The following ADGRB3 variants were observed in gnomAD, a reference collection of about 807,000 sequenced individuals.
The protein encoded by ADGRB3 is adhesion G protein-coupled receptor B3.
ADGRB3 carries 37 observed loss-of-function variants against 193.4 expected under a neutral mutation model. The ratio of observed to expected loss-of-function variants is 0.19; its 90% confidence interval spans 0.15 to 0.25. The LOEUF (loss-of-function observed/expected upper bound fraction) is 0.25, where lower values mean the gene tolerates loss of function less well. Ranked by LOEUF, ADGRB3 falls within the 10% of genes least tolerant of loss-of-function variation. ADGRB3 has a pLI of 1.00. For missense variants in ADGRB3, 1,637 were observed against 1,852.9 expected (o/e 0.88, Z 2.14); for synonymous variants, 690 against 644.2 (o/e 1.07, Z -1.08).
At chr6:68,840,795 C>A (rs751188589) in intron 3 of ADGRB3, among the ~76,000 whole-genome samples, 17 of 152,170 alleles carry the variant, frequency 1.1e-4, no homozygotes, top group Non-Finnish European at 2.1e-4. Flanking sequence ...ACTCTCCAAT[C>A]GAAAGACATA....
chr6:69,316,232 T>C (rs1160541750), intron 20 of ADGRB3, among the ~76,000 whole-genome samples: 1 of 141,500 alleles, frequency 7.1e-6, no homozygotes, highest in Non-Finnish European at 1.5e-5. Context: ...CAAAAAGCAG[T>C]AAATAGTTAT....
intron 17 of ADGRB3, among the ~76,000 whole-genome samples, chr6:69,156,653 T>G (rs547056246): frequency 6.6e-6 from 1 of 152,012 alleles, no homozygotes; most frequent in Admixed American, 6.6e-5. Context: ...ATTTGTTTGA[T>G]TTTTTACACA....
chr6:69,332,167 GGTACAAATA>G, intron 23 of ADGRB3: 1 of 985,270 alleles, frequency 1.0e-6, no homozygotes, highest in Non-Finnish European at 1.2e-6. Context: ...ATCATAAGCT[GGTACAAATA>G]GACATCTATG....
chr6:68,866,283 G>T lies in ADGRB3; in HGVS notation c.758-64276G>T, dbSNP rs114352918. On this transcript the variant is annotated intron_variant, in intron 3 of 31. Coordinates refer to ENST00000370598, the MANE Select transcript of ADGRB3 (RefSeq NM_001704.3). ...ATGATAGTGAGTGAGTTCTCAATGA[G>T]ATATGATGGTTCAAAAGTGTGTGGC... Among the ~76,000 whole-genome samples the T allele has an allele frequency of 4.4e-3, 674 of 152,222 alleles. 3 individuals carry two copies. Among genetic ancestry groups the T allele is most frequent in the African/African-American group, 0.016 (645 of 41,528 alleles).
chr6:68,717,583 G>A (rs1169851200), intron 3 of ADGRB3, among the ~76,000 whole-genome samples: 1 of 151,588 alleles, frequency 6.6e-6, no homozygotes, highest in Admixed American at 6.6e-5. Context: ...GAGAGCTCCT[G>A]TACTGGGAAA....
intron 20 of ADGRB3, among the ~76,000 whole-genome samples, chr6:69,285,522 T>A (rs1364970584): frequency 2.0e-5 from 3 of 151,824 alleles, no homozygotes; most frequent in African/African-American, 7.3e-5. Context: ...AATACAAAAA[T>A]TACCTGGGCA....
intron 3 of ADGRB3, among the ~76,000 whole-genome samples, chr6:68,930,072 A>C (rs1484949003): frequency 1.3e-5 from 2 of 152,038 alleles, no homozygotes; most frequent in East Asian, 3.9e-4. Flanking sequence ...GATGAAAAAA[A>C]AAAAAAAGGT....
chr6:68,892,915 C>A (rs1364683765), intron 3 of ADGRB3, among the ~76,000 whole-genome samples: 1 of 151,970 alleles, frequency 6.6e-6, no homozygotes, highest in East Asian at 1.9e-4. Context: ...CTTTATAAAG[C>A]CTCAAGTAGA....
chr6:68,715,884 C>T (rs1157033791), intron 3 of ADGRB3, among the ~76,000 whole-genome samples: 1 of 151,666 alleles, frequency 6.6e-6, no homozygotes, highest in Non-Finnish European at 1.5e-5. Context: ...ATTGAGCCCA[C>T]AAATTGCAGG....
intron 4 of ADGRB3, 116 bp from the exon 5 acceptor site, chr6:68,936,403 T>C (rs1381785608): frequency 9.3e-7 from 1 of 1,070,668 alleles, no homozygotes. Context: ...TTTTGATGTA[T>C]GGTCATATTT....
intron 17 of ADGRB3, among the ~76,000 whole-genome samples, chr6:69,082,828 T>C (rs1317809402): frequency 6.6e-5 from 10 of 152,208 alleles, no homozygotes; most frequent in Non-Finnish European, 1.2e-4. Flanking sequence ...TGCTAGGTTA[T>C]GTCATGTTAA....
intron 3 of ADGRB3, among the ~76,000 whole-genome samples, chr6:68,834,055 G>T (rs1044118460): frequency 2.3e-5 from 3 of 132,514 alleles, no homozygotes; most frequent in Non-Finnish European, 5.4e-5. Context: ...AATGAAACAT[G>T]AATCTGATAA....
chr6:68,996,565 A>G (rs796629222), intron 11 of ADGRB3, among the ~76,000 whole-genome samples: 12 of 152,174 alleles, frequency 7.9e-5, no homozygotes, highest in African/African-American at 2.9e-4. Flanking sequence ...CAGACCAGCC[A>G]CTTGAGGTAA....
chr6:69,207,703 T>A (rs1765569824), intron 17 of ADGRB3, among the ~76,000 whole-genome samples: 1 of 152,174 alleles, frequency 6.6e-6, no homozygotes, highest in South Asian at 2.1e-4. Context: ...ATTCCCCTTT[T>A]CTATCTATCC....
chr6:68,656,141 A>G lies in ADGRB3; in HGVS notation c.757+16709A>G, dbSNP rs1371478616. On this transcript the variant is annotated intron_variant, in intron 3 of 31. Coordinates refer to ENST00000370598, the MANE Select transcript of ADGRB3 (RefSeq NM_001704.3). ...TTTATTCTTAGGCTTAATGTAGGAA[A>G]CTAGCAATAAAATATAAATCCATAT... is the stretch of plus-strand genomic sequence containing the variant. Among the ~76,000 whole-genome samples the G allele has an allele frequency of 2.0e-5, 3 of 151,630 alleles. No homozygotes were observed. The Admixed American group carries it at 2.0e-4, about 10-fold the overall frequency.
chr6:68,924,256 C>T (rs192035712), intron 3 of ADGRB3, among the ~76,000 whole-genome samples: 1 of 152,064 alleles, frequency 6.6e-6, no homozygotes, highest in Admixed American at 6.5e-5. Context: ...TTGATGAATT[C>T]TTGCATGGAA....
chr6:68,950,786 C>G (rs1410457215), intron 6 of ADGRB3, among the ~76,000 whole-genome samples: 1 of 152,186 alleles, frequency 6.6e-6, no homozygotes, highest in African/African-American at 2.4e-5. Context: ...AAGCCACCAT[C>G]AGCTCTCTCT....
intron 10 of ADGRB3, among the ~76,000 whole-genome samples, chr6:68,982,332 C>T (rs945776109): frequency 6.6e-6 from 1 of 152,106 alleles, no homozygotes; most frequent in African/African-American, 2.4e-5. Context: ...CCTTCCTTTC[C>T]TTAGCTATTC....
At chr6:68,662,189 G>A (rs1441325010) in intron 3 of ADGRB3, among the ~76,000 whole-genome samples, 2 of 151,526 alleles carry the variant, frequency 1.3e-5, no homozygotes, top group African/African-American at 4.8e-5. Flanking sequence ...GTCACTTAAT[G>A]GCTATGGATT....
Sources: allele counts gnomAD v4.1 joint callset (sites outside exome capture counted in the v4.1 genomes callset), GRCh38; gene constraint gnomAD v4.1.1; transcripts MANE v1.5; gene names NCBI Gene and HGNC (gene_info 2026-07-23, HGNC 2026-07-21).